MDN1: variants seen among roughly 807,000 people sequenced by gnomAD.
MDN1 encodes midasin AAA ATPase 1.
MDN1 carries 266 observed loss-of-function variants against 669.2 expected under a neutral mutation model. That is an observed-to-expected ratio of 0.40 (90% CI 0.36 to 0.44). The LOEUF is 0.44. Among genes scored for constraint, MDN1 ranks in the 20% least tolerant of loss-of-function variants. MDN1 has a pLI of 1.00. For synonymous variants in MDN1, 2,385 were observed against 2,457.1 expected (o/e 0.97, Z 0.87); for missense variants, 5,940 against 6,754.0 (o/e 0.88, Z 4.22).
In MDN1 at chr6:89,643,759, C is replaced by T. The variant is rs186185287; in HGVS notation, c.*246G>A. On this transcript the variant is annotated 3_prime_UTR_variant, in exon 102 of 102. Transcript: ENST00000369393. The stretch of plus-strand genomic sequence containing the variant: ...TCCTCCCAGGCCAGGGCTTCCAAGG[C>T]AGGGAAGAAGGATAACTCTTCTCTA... 2.7e-6 allele frequency: 1 copy of T among 368,160 alleles called. No homozygotes were observed. The highest frequency in any genetic ancestry group is 4.6e-5 in the East Asian group (1 of 21,796). The allele number at this position is 368,160 out of a possible 1,614,324, so 22.8% of individuals were successfully genotyped here.
Position 89,672,235 on chromosome 6 carries a change from A to G in MDN1, c.13759T>C (p.Ser4587Pro). The G allele has an allele frequency of 2.5e-6, 4 of 1,604,756 alleles. No homozygotes were observed. Among genetic ancestry groups the G allele is most frequent in the Non-Finnish European group, 2.5e-6 (3 of 1,177,938 alleles). Residue 4587 changes from serine (S) to proline (P), a missense_variant, in exon 82 of 102, where the codon TCG (serine) becomes CCG (proline). Physicochemically the swap from Ser to Pro is moderately conservative, Grantham distance 74. Transcript: ENST00000369393. ...GCTGCTGTGCCATCCTCACCGTACG[A>G]TTTCAGCCTCTCCAACAGCTCGGAG... ...AISELLERLKSYGEDGTAAKH... is the reference protein window; with the variant it reads ...AISELLERLKPYGEDGTAAKH...
chr6:89,723,205 T>C (rs1038504813), intron 39 of MDN1, 62 bp from the exon 40 acceptor site: 4 of 1,471,590 alleles, frequency 2.7e-6, no homozygotes, highest in Non-Finnish European at 3.7e-6. Context: ...CTGCATTAAG[T>C]ACTAGGAATG....
chr6:89,683,951 C>T (rs1008705209), intron 71 of MDN1, 47 bp from the exon 72 acceptor site: 2 of 1,380,288 alleles, frequency 1.4e-6, no homozygotes, highest in African/African-American at 2.8e-5. Context: ...AAGCTAGTGT[C>T]ATTCTGTTTC....
intron 1 of MDN1, among the ~76,000 whole-genome samples, chr6:89,805,297 T>G (rs2768947): frequency 0.044 from 6,685 of 152,106 alleles, 176 homozygotes; most frequent in South Asian, 0.11. Context: ...ATCCCACCAC[T>G]TTGGAAGGCC....
chr6:89,705,052 A>T (rs1159446272), intron 53 of MDN1, among the ~76,000 whole-genome samples: 1 of 152,206 alleles, frequency 6.6e-6, no homozygotes, highest in Non-Finnish European at 1.5e-5. Context: ...TCCTAACTAT[A>T]GGAGGCCAGT....
intron 26 of MDN1, among the ~76,000 whole-genome samples, chr6:89,748,923 G>A (rs940828703): frequency 2.6e-5 from 4 of 151,566 alleles, no homozygotes; most frequent in South Asian, 2.1e-4. Context: ...CGGGCATGAC[G>A]GTGCACATCT....
chr6:89,663,112 G>A, intron 85 of MDN1, 145 bp from the exon 86 acceptor site: 1 of 815,402 alleles, frequency 1.2e-6, no homozygotes, highest in East Asian at 2.5e-5. Flanking sequence ...ACGGGCAGAT[G>A]CCTTTAGATC....
Position 89,722,944 on chromosome 6 carries a change from G to A in MDN1, c.5967+11C>T, listed in dbSNP as rs985457367. 1.2e-6 allele frequency: 2 copies of A among 1,604,618 alleles called. No individual in the cohort carries two copies. Among genetic ancestry groups the A allele is most frequent in the Non-Finnish European group, 1.7e-6 (2 of 1,174,498 alleles). On this transcript the variant is annotated intron_variant, in intron 40 of 101. Coordinates refer to ENST00000369393, the MANE Select transcript of MDN1 (RefSeq NM_014611.3). ...ATGGAAAGAAATACAAATACCAAGC[G>A]TGAAACTCACCTTTTTTTTGTCCTC...
At chr6:89,810,967 C>T (rs1373417827) in intron 1 of MDN1, among the ~76,000 whole-genome samples, 3 of 152,024 alleles carry the variant, frequency 2.0e-5, no homozygotes, top group Admixed American at 1.3e-4. Flanking sequence ...CAAGCCTGGG[C>T]GAAAGAGAAA....
intron 31 of MDN1, among the ~76,000 whole-genome samples, chr6:89,740,863 A>C: frequency 6.6e-6 from 1 of 152,228 alleles, no homozygotes; most frequent in Middle Eastern, 3.2e-3. Flanking sequence ...AAATCTGCAG[A>C]GACAAAAAAG....
chr6:89,804,805 G>A (rs1021126806), intron 1 of MDN1, among the ~76,000 whole-genome samples: 1 of 151,954 alleles, frequency 6.6e-6, no homozygotes, highest in Non-Finnish European at 1.5e-5. Context: ...GCCGAGGCAG[G>A]CGGATCACGA....
intron 2 of MDN1, among the ~76,000 whole-genome samples, chr6:89,797,351 C>A (rs557786791): frequency 8.1e-6 from 1 of 123,412 alleles, no homozygotes; most frequent in African/African-American, 3.2e-5. Flanking sequence ...TCCAGCCTGG[C>A]GACAGAGCAA....
Position 89,740,354 on chromosome 6 carries a change from C to T in MDN1, c.4473G>A (p.Leu1491=). ...CTGGACTGCCTTTTTCAGCTAATAC[C>T]AGAGACTTTTCTACTTCAAGGACAC... ...LNSVLEVEKS[L]VLAEKGSPED... is the part of the protein sequence containing the mutation. The change falls in exon 32 of 102, where the codon CTG becomes CTA. Residue 1491 remains leucine (L), a synonymous_variant. Transcript: ENST00000369393. 6.3e-7 allele frequency: 1 copy of T among 1,588,326 alleles called. No homozygotes were observed.
intron 55 of MDN1, among the ~76,000 whole-genome samples, chr6:89,701,136 C>T (rs1813130307): frequency 6.6e-6 from 1 of 152,196 alleles, no homozygotes; most frequent in Non-Finnish European, 1.5e-5. Flanking sequence ...TGTGCGGGTT[C>T]CGCATCAATT....
Position 89,680,828 on chromosome 6 carries a change from G to A in MDN1, c.12103-77C>T, listed in dbSNP as rs192308363. The A allele has an allele frequency of 6.0e-6, 9 of 1,490,426 alleles. No individual in the cohort carries two copies. In the East Asian group the frequency reaches 1.6e-4, roughly 27 times the overall value. The allele number at this position is 1,490,426 out of a possible 1,614,324, so 92.3% of individuals were successfully genotyped here. On this transcript the variant is annotated intron_variant, in intron 73 of 101. Transcript: ENST00000369393. ...CCCTGCAAGGGAACTAAATTTAACT[G>A]TTGCACACAAAAACACATCCCTAGT... is the stretch of plus-strand genomic sequence containing the variant.
At position 89,810,792 on chromosome 6, in the gene MDN1, G is replaced by C. The variant is rs541217537; in HGVS notation, c.103-7238C>G. 3.9e-5 allele frequency among the ~76,000 whole-genome samples: 6 copies of C among 152,252 alleles called. No individual in the cohort carries two copies. In the East Asian group the frequency reaches 1.2e-3, roughly 29 times the overall value. Reference sequence around the variant, plus strand: ...GTGGACAGATCACTTGAGGTCGGGAGTTAGAGACCAGCCTGGCCAATATAG... The same window carrying C: ...GTGGACAGATCACTTGAGGTCGGGACTTAGAGACCAGCCTGGCCAATATAG... On this transcript the variant is annotated intron_variant, in intron 1 of 101. Coordinates refer to ENST00000369393, the MANE Select transcript of MDN1 (RefSeq NM_014611.3).
intron 43 of MDN1, among the ~76,000 whole-genome samples, chr6:89,717,879 C>T (rs973044680): frequency 1.3e-5 from 2 of 152,162 alleles, no homozygotes; most frequent in Non-Finnish European, 2.9e-5. Flanking sequence ...TAGGTTGAAT[C>T]CTCCCTAAGA....
intron 34 of MDN1, 90 bp from the exon 35 acceptor site, chr6:89,731,013 A>G: frequency 8.5e-7 from 1 of 1,181,960 alleles, no homozygotes; most frequent in Non-Finnish European, 1.2e-6. Context: ...GTTCCCGGAA[A>G]AAAGAGGCCT....
chr6:89,718,677 T>C (rs772318074), intron 42 of MDN1, 50 bp from the exon 43 acceptor site: 1 of 1,608,122 alleles, frequency 6.2e-7, no homozygotes, highest in Non-Finnish European at 8.5e-7. Context: ...AGAATACTGT[T>C]ATCTGTACTC....
Sources: gnomAD v4.1 joint callset for allele counts (sites outside exome capture counted in the v4.1 genomes callset) on GRCh38, gnomAD v4.1.1 for gene constraint, MANE v1.5 for transcripts, NCBI Gene and HGNC (gene_info 2026-07-23, HGNC 2026-07-21) for gene names.